The following JAKMIP1 variants were observed in gnomAD, a reference collection of about 807,000 sequenced individuals.
The protein encoded by JAKMIP1 is janus kinase and microtubule-interacting protein 1.
In JAKMIP1, 33 loss-of-function variants were observed where a neutral mutation model predicts 113.0. That is an observed-to-expected ratio of 0.29 (90% confidence interval 0.22 to 0.39). The LOEUF (loss-of-function observed/expected upper bound fraction) is 0.39, where lower values mean the gene tolerates loss of function less well. JAKMIP1 is among the 10% of genes least tolerant of loss of function. The pLI, the probability that JAKMIP1 is intolerant of heterozygous loss-of-function variation, is 1.00. For missense variants in JAKMIP1, 813 were observed against 1,080.5 expected, an observed-to-expected ratio of 0.75 and a Z score of 3.47; for synonymous variants, 480 against 459.9, an observed-to-expected ratio of 1.04 and a Z score of -0.56.
Position 6,106,068 on chromosome 4 carries a change from C to T in JAKMIP1, c.130-101G>A. The T allele has an allele frequency of 1.3e-6, 1 of 765,602 alleles. No individual in the cohort carries two copies. Among genetic ancestry groups the T allele is most frequent in the Non-Finnish European group, 2.1e-6 (1 of 482,948 alleles). 47.4% of individuals were successfully genotyped at this position (765,602 alleles called of 1,614,324 possible). On this transcript the variant is annotated intron_variant, in intron 2 of 20. Coordinates refer to ENST00000409021, the MANE Select transcript of JAKMIP1 (RefSeq NM_001099433.2). This position sits in a 1 kb window ranked among gnomAD's most constrained non-coding sequence, Gnocchi z 5.9. Reference sequence around the variant, plus strand: ...GAGCTGGCCACAGCCTCCCCACGCCCAAGACACCCACCTGGGCCCACGTTC... The same window carrying T: ...GAGCTGGCCACAGCCTCCCCACGCCTAAGACACCCACCTGGGCCCACGTTC...
Position 6,143,245 on chromosome 4 carries a change from G to A in JAKMIP1, c.-147-30248C>T, listed in dbSNP as rs576016268. Among the ~76,000 whole-genome samples the A allele has an allele frequency of 6.6e-6, 1 of 152,322 alleles. No homozygotes were observed. The highest frequency in any genetic ancestry group is 1.5e-5 in the Non-Finnish European group (1 of 68,028). On this transcript the variant is annotated intron_variant, in intron 1 of 20. Coordinates refer to ENST00000409021, the MANE Select transcript of JAKMIP1 (RefSeq NM_001099433.2). This position sits in a 1 kb window ranked among gnomAD's most constrained non-coding sequence, Gnocchi z 4.9. The stretch of plus-strand genomic sequence containing the variant: ...TGCAGAAAGCACTATCTTAATTTTT[G>A]TTTTTATTTTCCTTTGGATACATTC...
intron 1 of JAKMIP1, among the ~76,000 whole-genome samples, chr4:6,152,698 T>C (rs1482872261): frequency 6.6e-6 from 1 of 151,512 alleles, no homozygotes; most frequent in Non-Finnish European, 1.5e-5. Context: ...TCCCAGCACT[T>C]TGGGAGGCTG....
Position 6,065,656 on chromosome 4 carries a change from G to A in JAKMIP1, c.1303-648C>T, listed in dbSNP as rs576042691. On this transcript the variant is annotated intron_variant, in intron 8 of 20. Transcript: ENST00000409021. This position sits in a 1 kb window ranked among gnomAD's most constrained non-coding sequence, Gnocchi z 5.1. ...AAAACTGGGAAGATTCACAGAATGA[G>A]AAGGAATCATGTAATAGACCTTCAC... 1.3e-5 allele frequency among the ~76,000 whole-genome samples: 2 copies of A among 152,206 alleles called. No individual in the cohort carries two copies. Among genetic ancestry groups the A allele is most frequent in the Non-Finnish European group, 2.9e-5 (2 of 68,036 alleles).
At chr4:6,084,782 T>C in intron 5 of JAKMIP1, 64 bp downstream of exon 5, 1 of 1,519,400 alleles carries the variant, frequency 6.6e-7, no homozygotes, top group Non-Finnish European at 8.8e-7. Context: ...AGGGCATGTT[T>C]CAGGGACTCA....
intron 1 of JAKMIP1, among the ~76,000 whole-genome samples, chr4:6,169,602 ATTGTGTGTGTGTG>A (rs1335344316): frequency 2.8e-5 from 2 of 70,546 alleles, no homozygotes; most frequent in Admixed American, 1.7e-4. Flanking sequence ...GCCCTAGGAA[ATTGTGTGTGTGTG>A]TGTGTGTGTG....
chr4:6,172,589 T>C (rs942452866), intron 1 of JAKMIP1, among the ~76,000 whole-genome samples: 1 of 151,968 alleles, frequency 6.6e-6, no homozygotes, highest in African/African-American at 2.4e-5. Flanking sequence ...ACACAGGACA[T>C]TGTGCAGGGA....
chr4:6,080,064 T>G lies in JAKMIP1; in HGVS notation c.1242+108A>C. On this transcript the variant is annotated intron_variant, in intron 7 of 20. Coordinates refer to ENST00000409021, the MANE Select transcript of JAKMIP1 (RefSeq NM_001099433.2). This position sits in a 1 kb window ranked among gnomAD's most constrained non-coding sequence, Gnocchi z 6.0. ...TCCCAAAGTCAGCACTGCCTGACCC[T>G]GACCCAGCTCAGCAGCATCACCCTG... The G allele has an allele frequency of 7.5e-7, 1 of 1,330,576 alleles. No individual in the cohort carries two copies. The highest frequency in any genetic ancestry group is 1.0e-6 in the Non-Finnish European group (1 of 985,380). The allele number at this position is 1,330,576 out of a possible 1,614,324, so 82.4% of individuals were successfully genotyped here.
intron 19 of JAKMIP1, among the ~76,000 whole-genome samples, chr4:6,032,264 AC>A (rs1329159448): frequency 6.6e-6 from 1 of 152,242 alleles, no homozygotes; most frequent in Non-Finnish European, 1.5e-5. Flanking sequence ...TCCCCCAGGA[AC>A]AACTTCTGGG....
At position 6,035,976 on chromosome 4, in the gene JAKMIP1, G is replaced by T; in HGVS notation, c.2307C>A (p.Ile769=). Reference sequence around the variant, plus strand: ...TGTCGAACTCGCGGCTCTGCCTGAGGATCTGCCTGCGCACCTTTTCCACAG... The same window carrying T: ...TGTCGAACTCGCGGCTCTGCCTGAGTATCTGCCTGCGCACCTTTTCCACAG... ...QAAVEKVRRQ[I]LRQSREFDSQ... is the part of the protein sequence containing the mutation. The change falls in exon 19 of 21, where the codon ATC becomes ATA. Residue 769 remains isoleucine (I), a synonymous_variant. Transcript: ENST00000409021. 2 of 1,551,558 alleles carry T rather than the reference G, an allele frequency of 1.3e-6. No individual in the cohort carries two copies. The highest frequency in any genetic ancestry group is 4.9e-5 in the East Asian group (2 of 40,924).
intron 1 of JAKMIP1, among the ~76,000 whole-genome samples, chr4:6,182,045 A>G (rs1726087595): frequency 6.6e-6 from 1 of 152,150 alleles, no homozygotes; most frequent in Admixed American, 6.5e-5. Flanking sequence ...CCCCAAATTG[A>G]TACATTGAAA....
At chr4:6,131,161 C>A (rs186366521) in intron 1 of JAKMIP1, among the ~76,000 whole-genome samples, 1,063 of 9,864 alleles carry the variant, frequency 0.11, 19 homozygotes, top group African/African-American at 0.28. Context: ...GACCTTGCCT[C>A]CAAAAAAAAA....
intron 1 of JAKMIP1, among the ~76,000 whole-genome samples, chr4:6,125,777 TGCAGAAACACAC>T (rs1189259076): frequency 3.7e-5 from 4 of 108,766 alleles, no homozygotes; most frequent in African/African-American, 1.1e-4. Context: ...ATACACACCA[TGCAGAAACACAC>T]ACACACCATA....
chr4:6,034,293 T>A (rs1713115949), intron 19 of JAKMIP1, among the ~76,000 whole-genome samples: 1 of 151,898 alleles, frequency 6.6e-6, no homozygotes, highest in African/African-American at 2.4e-5. Flanking sequence ...CCAGAGAGGT[T>A]AAATAATTTG....
chr4:6,090,759 T>A (rs1467150), intron 3 of JAKMIP1, among the ~76,000 whole-genome samples: 4 of 152,028 alleles, frequency 2.6e-5, no homozygotes, highest in African/African-American at 9.7e-5. Context: ...AGAGCATCGC[T>A]GCCCCAGGTT....
rs191290445 is a variant in JAKMIP1 at position 6,157,328 on chromosome 4, C to T, written c.-148+42925G>A. 7.2e-5 allele frequency among the ~76,000 whole-genome samples: 11 copies of T among 152,248 alleles called. No homozygotes were observed. Among genetic ancestry groups the T allele is most frequent in the Admixed American group, 5.9e-4 (9 of 15,294 alleles). ...GCAGGTTACTCCCTCTGCAAAAAGG[C>T]GCACGGGATGGGAAGCTGGCGCACA... On this transcript the variant is annotated intron_variant, in intron 1 of 20. Transcript: ENST00000409021. This position sits in a 1 kb window ranked among gnomAD's most constrained non-coding sequence, Gnocchi z 4.7.
At chr4:6,090,603 C>T (rs369080183) in intron 3 of JAKMIP1, among the ~76,000 whole-genome samples, 128 of 152,340 alleles carry the variant, frequency 8.4e-4, no homozygotes, top group African/African-American at 2.4e-3. Context: ...ACATCACTGT[C>T]CCATGTTGAC....
chr4:6,098,602 G>GAAA (rs1712309949), intron 3 of JAKMIP1, among the ~76,000 whole-genome samples: 1 of 133,634 alleles, frequency 7.5e-6, no homozygotes. Flanking sequence ...AAGAAAGAAA[G>GAAA]GAAGAAAAGA....
Position 6,035,939 on chromosome 4 carries a change from G to T in JAKMIP1, c.2344C>A (p.Arg782=). 1 of 1,551,222 alleles carries T rather than the reference G, an allele frequency of 6.4e-7. No individual in the cohort carries two copies. The highest frequency in any genetic ancestry group is 8.7e-7 in the Non-Finnish European group (1 of 1,146,944). The change falls in exon 19 of 21, where the codon CGG becomes AGG. Residue 782 remains arginine (R), a synonymous_variant. Coordinates refer to ENST00000409021, the MANE Select transcript of JAKMIP1 (RefSeq NM_001099433.2). ...QSREFDSQIL[R]ERMELLQQAQ... is the part of the protein sequence containing the mutation. ...TGCTGCAGCAGCTCCATGCGCTCCC[G>T]CAGGATCTGGCTGTCGAACTCGCGG...
chr4:6,060,638 A>G, intron 10 of JAKMIP1, 131 bp from the exon 11 acceptor site: 1 of 704,530 alleles, frequency 1.4e-6, no homozygotes, highest in East Asian at 2.5e-5. Context: ...GTTCACTTTT[A>G]GGAGCACGTA....
Sources: gnomAD v4.1 joint callset for allele counts (sites outside exome capture counted in the v4.1 genomes callset) on GRCh38, gnomAD v4.1.1 for gene constraint, Gnocchi (gnomAD v3.1) non-coding constraint, MANE v1.5 for transcripts, NCBI Gene and HGNC (gene_info 2026-07-23, HGNC 2026-07-21) for gene names.